Variants in GAS7 observed in about 807,000 individuals in gnomAD.
GAS7 encodes the protein growth arrest-specific protein 7.
Under a neutral mutation model 71.1 loss-of-function variants are expected in GAS7, and 28 were observed. That is an observed-to-expected ratio of 0.39 (90% CI 0.29 to 0.54). GAS7 has a LOEUF of 0.54. Ranked by LOEUF, GAS7 falls within the 20% of genes least tolerant of loss-of-function variation. The pLI, the probability that GAS7 is intolerant of heterozygous loss-of-function variation, is 0.62. For synonymous variants in GAS7, 258 were observed against 245.8 expected (o/e 1.05, Z -0.46); for missense variants, 436 against 627.8 (o/e 0.69, Z 3.27).
chr17:10,179,244 G>A (rs1019839799), intron 1 of GAS7, among the ~76,000 whole-genome samples: 2 of 151,994 alleles, frequency 1.3e-5, no homozygotes, highest in Non-Finnish European at 2.9e-5. Flanking sequence ...CAGGAGAATC[G>A]CTTGAAGCTG....
chr17:10,096,219 T>C (rs185754480), intron 1 of GAS7, among the ~76,000 whole-genome samples: 31 of 152,248 alleles, frequency 2.0e-4, no homozygotes, highest in Middle Eastern at 3.4e-3. Flanking sequence ...CTGCCACATA[T>C]ATATATATTT....
intron 1 of GAS7, among the ~76,000 whole-genome samples, chr17:10,058,981 C>G (rs1000374909): frequency 2.0e-5 from 3 of 152,232 alleles, no homozygotes; most frequent in Non-Finnish European, 4.4e-5. Flanking sequence ...CTTGCAAAAC[C>G]AGAAAGGAAC....
At chr17:10,155,181 AT>A (rs1160244740) in intron 1 of GAS7, among the ~76,000 whole-genome samples, 1 of 151,636 alleles carries the variant, frequency 6.6e-6, no homozygotes, top group Non-Finnish European at 1.5e-5. Flanking sequence ...CACCCAGCTA[AT>A]TTTTTGTATT....
intron 2 of GAS7, among the ~76,000 whole-genome samples, chr17:9,995,686 T>C (rs561392337): frequency 4.6e-5 from 7 of 152,126 alleles, no homozygotes; most frequent in Non-Finnish European, 8.8e-5. Flanking sequence ...CAAAAACAGG[T>C]GAGAATGCCT....
chr17:10,143,424 C>G (rs1001878145), intron 1 of GAS7, among the ~76,000 whole-genome samples: 5 of 151,960 alleles, frequency 3.3e-5, no homozygotes, highest in African/African-American at 1.2e-4. Context: ...CCCCTATAAT[C>G]CCAGCTACTC....
At chr17:10,130,834 C>CG (rs1367012606) in intron 1 of GAS7, among the ~76,000 whole-genome samples, 29 of 152,208 alleles carry the variant, frequency 1.9e-4, no homozygotes, top group African/African-American at 7.0e-4. Context: ...GATAAGTGGC[C>CG]GCCTAAGGAA....
In GAS7 at chr17:10,124,674, G is replaced by C. The variant is rs903062459; in HGVS notation, c.183+73534C>G. ...CTCACGCCTGTAATCCCAGCAGTTT[G>C]GGGGGGAGCTGAGGCATGTGGATCA... On this transcript the variant is annotated intron_variant, in intron 1 of 13. Coordinates refer to ENST00000432992, the MANE Select transcript of GAS7 (RefSeq NM_201433.2). 3.9e-5 allele frequency among the ~76,000 whole-genome samples: 6 copies of C among 152,140 alleles called. No individual in the cohort carries two copies. In the South Asian group the frequency reaches 6.2e-4, roughly 16 times the overall value.
At chr17:9,982,685 G>A (rs907995728) in intron 2 of GAS7, among the ~76,000 whole-genome samples, 6 of 151,928 alleles carry the variant, frequency 3.9e-5, no homozygotes, top group African/African-American at 1.5e-4. Flanking sequence ...GCTGAGGCAG[G>A]AGAACCCTTG....
chr17:10,188,105 T>A (rs1391787526), intron 1 of GAS7, among the ~76,000 whole-genome samples: 1 of 152,106 alleles, frequency 6.6e-6, no homozygotes, highest in African/African-American at 2.4e-5. Context: ...TAGCCAGGCA[T>A]GGTGGTGGGC....
intron 1 of GAS7, among the ~76,000 whole-genome samples, chr17:10,119,832 T>C (rs2073890528): frequency 6.6e-6 from 1 of 152,210 alleles, no homozygotes; most frequent in South Asian, 2.1e-4. Flanking sequence ...CTGGCAGTGC[T>C]GATCCAAGCA....
At chr17:10,088,649 T>C (rs1402291108) in intron 1 of GAS7, among the ~76,000 whole-genome samples, 1 of 152,034 alleles carries the variant, frequency 6.6e-6, no homozygotes, top group Non-Finnish European at 1.5e-5. Flanking sequence ...AACAGGGAAA[T>C]AAATCATCCC....
chr17:9,964,656 T>C lies in GAS7; in HGVS notation c.471+5021A>G, dbSNP rs553711310. Among the ~76,000 whole-genome samples the C allele has an allele frequency of 2.0e-5, 3 of 152,332 alleles. No individual in the cohort carries two copies. In the East Asian group the frequency reaches 5.8e-4, roughly 29 times the overall value. On this transcript the variant is annotated intron_variant, in intron 4 of 13. Coordinates refer to ENST00000432992, the MANE Select transcript of GAS7 (RefSeq NM_201433.2). ...GGTATCTTTTCTTAAGGTACCTTAA[T>C]TCCTGACATTTCCAGCACCAGGCTA...
At chr17:9,946,290 T>C (rs73974345) in intron 6 of GAS7, among the ~76,000 whole-genome samples, 8,367 of 152,206 alleles carry the variant, frequency 0.055, 799 homozygotes, top group African/African-American at 0.19. Context: ...CAACGGACCA[T>C]TTTAGCCATT....
chr17:9,993,004 T>C (rs1206506692), intron 2 of GAS7, among the ~76,000 whole-genome samples: 2 of 152,038 alleles, frequency 1.3e-5, no homozygotes, highest in African/African-American at 4.8e-5. Flanking sequence ...CAATCTATCA[T>C]TGTTGGACAT....
intron 1 of GAS7, among the ~76,000 whole-genome samples, chr17:10,194,272 A>T (rs1459824739): frequency 3.3e-5 from 5 of 152,242 alleles, no homozygotes; most frequent in Non-Finnish European, 5.9e-5. Flanking sequence ...ATTGTCCCCC[A>T]GAATTATTTC....
At chr17:9,922,639 A>C (rs2067859555) in intron 11 of GAS7, among the ~76,000 whole-genome samples, 1 of 152,232 alleles carries the variant, frequency 6.6e-6, no homozygotes, top group Non-Finnish European at 1.5e-5. Flanking sequence ...GAGAGACCGT[A>C]TTATCTGATG....
Position 9,910,975 on chromosome 17 carries a change from A to C in GAS7, c.*6253T>G, listed in dbSNP as rs994779868. 2 of 232,534 alleles carry C rather than the reference A, an allele frequency of 8.6e-6. No individual in the cohort carries two copies. The highest frequency in any genetic ancestry group is 1.2e-4 in the East Asian group (2 of 16,480). 14.4% of individuals were successfully genotyped at this position (232,534 alleles called of 1,614,324 possible). A position where few individuals can be genotyped will look rare whatever the true frequency, so the allele number is the denominator to read the frequency against. On this transcript the variant is annotated 3_prime_UTR_variant, in exon 14 of 14. Transcript: ENST00000432992. Reference sequence around the variant, plus strand: ...AAAGTTACAGAAAACAGATCAAACAAGCAAGTTTATTTTGTTAGAAAATTC... The same window carrying C: ...AAAGTTACAGAAAACAGATCAAACACGCAAGTTTATTTTGTTAGAAAATTC...
In GAS7 at chr17:9,915,671, A is replaced by G; in HGVS notation, c.*1557T>C. On this transcript the variant is annotated 3_prime_UTR_variant, in exon 14 of 14. Transcript: ENST00000432992. ...TCATCGGTTTCTAGCACGTTGACTG[A>G]AAGACCAGTGAGTTGTGCTTGTTGA... 4.3e-6 allele frequency: 1 copy of G among 229,936 alleles called. No homozygotes were observed. The allele number at this position is 229,936 out of a possible 1,614,324, so 14.2% of individuals were successfully genotyped here.
intron 1 of GAS7, among the ~76,000 whole-genome samples, chr17:10,082,347 T>G (rs79340535): frequency 0.028 from 4,336 of 152,250 alleles, 219 homozygotes; most frequent in African/African-American, 0.1. Context: ...TATTTCTGAC[T>G]GACATGTGGC....
Sources: allele counts gnomAD v4.1 joint callset (sites outside exome capture counted in the v4.1 genomes callset), GRCh38; gene constraint gnomAD v4.1.1; transcripts MANE v1.5; gene names NCBI Gene and HGNC (gene_info 2026-07-23, HGNC 2026-07-21).